Variants in HDAC9 observed in about 807,000 individuals in gnomAD.
HDAC9 encodes the protein histone deacetylase 9, also known as MEF-2 interacting transcription repressor (MITR) protein.
A neutral mutation model predicts 139.4 loss-of-function variants in HDAC9; 41 were observed. The ratio of observed to expected loss-of-function variants is 0.29; its 90% confidence interval spans 0.23 to 0.38. The LOEUF (loss-of-function observed/expected upper bound fraction) is 0.38, where lower values mean the gene tolerates loss of function less well. Ranked by LOEUF, HDAC9 falls within the 10% of genes least tolerant of loss-of-function variation. The pLI, the probability that HDAC9 is intolerant of heterozygous loss-of-function variation, is 1.00. For missense variants in HDAC9, 1,147 were observed against 1,297.0 expected (o/e 0.88, Z 1.78); for synonymous variants, 517 against 476.2 (o/e 1.09, Z -1.12).
chr7:18,133,016 T>G (rs1041732057), intron 1 of HDAC9, among the ~76,000 whole-genome samples: 5 of 152,156 alleles, frequency 3.3e-5, no homozygotes, highest in African/African-American at 1.2e-4. Flanking sequence ...CCTCTGGTCT[T>G]TAATGTAGCT....
At chr7:18,099,532 TG>T (rs561303661) in intron 1 of HDAC9, among the ~76,000 whole-genome samples, 21 of 152,168 alleles carry the variant, frequency 1.4e-4, no homozygotes, top group Admixed American at 4.6e-4. Context: ...TGAGATAACT[TG>T]TTTACTAACC....
At chr7:18,143,180 T>C (rs199622295) in intron 1 of HDAC9, among the ~76,000 whole-genome samples, 1 of 152,232 alleles carries the variant, frequency 6.6e-6, no homozygotes, top group Non-Finnish European at 1.5e-5. Flanking sequence ...ATTGTCAAAT[T>C]AATAAATCTC....
At chr7:18,503,045 AAGC>A (rs112171382) in intron 2 of HDAC9, among the ~76,000 whole-genome samples, 2,785 of 152,320 alleles carry the variant, frequency 0.018, 84 homozygotes, top group African/African-American at 0.064. Context: ...ATGGAATGAT[AAGC>A]ACTACATTTT....
At chr7:18,826,197 C>T in intron 17 of HDAC9, among the ~76,000 whole-genome samples, 1 of 152,068 alleles carries the variant, frequency 6.6e-6, no homozygotes, top group East Asian at 1.9e-4. Context: ...TGATACAATT[C>T]ATTTTTACAA....
At chr7:18,955,770 A>G (rs749478045) in intron 24 of HDAC9, among the ~76,000 whole-genome samples, 1 of 152,108 alleles carries the variant, frequency 6.6e-6, no homozygotes, top group Non-Finnish European at 1.5e-5. Flanking sequence ...ACTGGGGGTG[A>G]GAGGGACTGG....
At chr7:18,099,988 C>T (rs1356978668) in intron 1 of HDAC9, among the ~76,000 whole-genome samples, 1 of 152,162 alleles carries the variant, frequency 6.6e-6, no homozygotes, top group African/African-American at 2.4e-5. Context: ...TGCCTGACTT[C>T]CTTTAAACAT....
intron 11 of HDAC9, among the ~76,000 whole-genome samples, chr7:18,652,434 G>A (rs1173814144): frequency 2.0e-5 from 3 of 151,906 alleles, no homozygotes; most frequent in Admixed American, 1.3e-4. Flanking sequence ...AACAGAATAC[G>A]TAACAGTTGT....
chr7:18,339,454 A>G (rs1216404998), intron 1 of HDAC9, among the ~76,000 whole-genome samples: 1 of 151,378 alleles, frequency 6.6e-6, no homozygotes, highest in Non-Finnish European at 1.5e-5. Context: ...AGATTTTGAT[A>G]TGTTTTCATT....
intron 7 of HDAC9, among the ~76,000 whole-genome samples, chr7:18,633,343 C>T (rs1782905325): frequency 6.6e-6 from 1 of 151,992 alleles, no homozygotes; most frequent in Non-Finnish European, 1.5e-5. Context: ...ATTGCCAAGG[C>T]TTGAAGAAGT....
At chr7:18,916,550 A>G (rs994175019) in intron 22 of HDAC9, among the ~76,000 whole-genome samples, 2 of 151,960 alleles carry the variant, frequency 1.3e-5, no homozygotes, top group East Asian at 3.9e-4. Context: ...ACTGGGCTTC[A>G]GAGAGAAACA....
intron 21 of HDAC9, among the ~76,000 whole-genome samples, chr7:18,842,016 A>C (rs1425015747): frequency 1.3e-5 from 2 of 152,144 alleles, no homozygotes; most frequent in African/African-American, 4.8e-5. Context: ...TTTTAATAGA[A>C]TATATAGTGA....
chr7:18,566,398 C>A (rs1393136747), intron 2 of HDAC9, among the ~76,000 whole-genome samples: 1 of 152,146 alleles, frequency 6.6e-6, no homozygotes, highest in Non-Finnish European at 1.5e-5. Context: ...TTCTTTACAT[C>A]AGAATCTATT....
At chr7:18,563,854 T>G (rs1821401132) in intron 2 of HDAC9, among the ~76,000 whole-genome samples, 2 of 150,678 alleles carry the variant, frequency 1.3e-5, no homozygotes, top group African/African-American at 4.9e-5. Context: ...TTTTTTTTTT[T>G]GAGACGGATT....
chr7:18,257,271 A>T (rs752888198), intron 2 of HDAC9, among the ~76,000 whole-genome samples: 1 of 57,390 alleles, frequency 1.7e-5, no homozygotes, highest in Admixed American at 2.8e-4. Flanking sequence ...GCTCAGGAGG[A>T]GGATCGCTTG....
At chr7:18,494,539 T>G (rs1166783725), upstream of HDAC9, among the ~76,000 whole-genome samples, 1 of 152,096 alleles carries the variant, frequency 6.6e-6, no homozygotes, top group Non-Finnish European at 1.5e-5. Flanking sequence ...ACTTTTGGGT[T>G]TGCTCTTGGA....
At chr7:18,840,774 C>G (rs1304079731) in intron 21 of HDAC9, among the ~76,000 whole-genome samples, 2 of 152,028 alleles carry the variant, frequency 1.3e-5, no homozygotes, top group Non-Finnish European at 2.9e-5. Flanking sequence ...AAATTAAAGT[C>G]CATTAATGCA....
At chr7:18,579,455 A>G (rs1251363355) in intron 2 of HDAC9, among the ~76,000 whole-genome samples, 1 of 152,230 alleles carries the variant, frequency 6.6e-6, no homozygotes, top group African/African-American at 2.4e-5. Flanking sequence ...CCATGGAGTT[A>G]GCATGCCCAA....
At chr7:18,328,030 A>G (rs1800603841) in intron 1 of HDAC9, among the ~76,000 whole-genome samples, 1 of 151,998 alleles carries the variant, frequency 6.6e-6, no homozygotes, top group Admixed American at 6.6e-5. Flanking sequence ...TATGACTGGA[A>G]AACATCAGAG....
At chr7:18,980,977 C>T (rs10256595) in intron 25 of HDAC9, among the ~76,000 whole-genome samples, 1 of 151,664 alleles carries the variant, frequency 6.6e-6, no homozygotes, top group African/African-American at 2.4e-5. Context: ...GCACGTGCCA[C>T]CATGGCCAGC....
Sources: gnomAD v4.1 joint callset for allele counts (sites outside exome capture counted in the v4.1 genomes callset) on GRCh38, gnomAD v4.1.1 for gene constraint, MANE v1.5 for transcripts, NCBI Gene and HGNC (gene_info 2026-07-23, HGNC 2026-07-21) for gene names.